OAS3: variants seen among roughly 807,000 people sequenced by gnomAD.
OAS3 encodes the protein 2'-5'-oligoadenylate synthetase 3.
Under a neutral mutation model 113.0 loss-of-function variants are expected in OAS3, and 107 were observed. The ratio of observed to expected loss-of-function variants is 0.95; its 90% CI spans 0.81 to 1.11. The LOEUF (loss-of-function observed/expected upper bound fraction) is 1.11. Among genes scored for constraint, OAS3 ranks in the 50% most tolerant of loss-of-function variants. The probability of loss-of-function intolerance (pLI) is 0.00; values close to 1 mark genes in which losing one functional copy is unlikely to be tolerated. For missense variants in OAS3, 1,258 were observed against 1,389.1 expected (o/e 0.91, Z 1.50); for synonymous variants, 552 against 573.6 (o/e 0.96, Z 0.54).
intron 11 of OAS3, among the ~76,000 whole-genome samples, chr12:112,964,929 C>T (rs1213021576): frequency 6.6e-6 from 1 of 152,190 alleles, no homozygotes. Context: ...GCTAGGGAGA[C>T]ATTATGCTCT....
chr12:112,949,292 T>G, intron 6 of OAS3, 87 bp downstream of exon 6: 1 of 1,234,424 alleles, frequency 8.1e-7, no homozygotes, highest in Non-Finnish European at 1.1e-6. Context: ...GGAGCTGAGG[T>G]TGGGCTGGGG....
In OAS3 at chr12:112,954,659, T is replaced by A. The variant is rs952844195; in HGVS notation, c.1657+3684T>A. Among the ~76,000 whole-genome samples, 4 of 152,330 alleles carry A rather than the reference T, an allele frequency of 2.6e-5. No homozygotes were observed. The highest frequency in any genetic ancestry group is 1.9e-4 in the East Asian group (1 of 5,194). ...GGTTGTAGACATGTGGTGTTATTTC[T>A]GAGGGCTCTGTTCTATTCCATTGGT... On this transcript the variant is annotated intron_variant, in intron 7 of 15. Coordinates refer to ENST00000228928, the MANE Select transcript of OAS3 (RefSeq NM_006187.4). The surrounding 1 kb of genome is among the most constrained non-coding windows in gnomAD (Gnocchi z 4.0).
At chr12:112,938,799 AT>A in intron 1 of OAS3, 92 bp downstream of exon 1, 1 of 1,033,502 alleles carries the variant, frequency 9.7e-7, no homozygotes, top group African/African-American at 1.7e-5. Context: ...GGGTGGCTTT[AT>A]CCGCTTGTGC....
In OAS3 at chr12:112,963,418, G is replaced by T; in HGVS notation, c.2190G>T (p.Leu730=). The T allele has an allele frequency of 6.4e-7, 1 of 1,551,606 alleles. No homozygotes were observed. Among genetic ancestry groups the T allele is most frequent in the Non-Finnish European group, 8.7e-7 (1 of 1,146,950 alleles). Residue 730 remains leucine, a synonymous_variant, in exon 10 of 16, where the codon CTG becomes CTT. Coordinates refer to ENST00000228928, the MANE Select transcript of OAS3 (RefSeq NM_006187.4). This position sits in a 1 kb window ranked among gnomAD's most constrained non-coding sequence, Gnocchi z 4.6. ...AAALGMQACF[L]SRDGTSVQPW... ...CGCTGGGGATGCAGGCCTGCTTTCT[G>T]AGTAGAGACGGGACATCTGTGCAGC...
rs371447172 is a variant in OAS3 at position 112,968,038 on chromosome 12, A to C, written c.2968A>C (p.Asn990His). ...GCAGGGCGGGAAGGACTCCCAGTTC[A>C]ACATGGCTGAGGGCTTCCGCACGGT... is the stretch of plus-strand genomic sequence containing the variant. ...WEQGGKDSQF[N>H]MAEGFRTVLE... is the part of the protein sequence containing the mutation. The change falls in exon 14 of 16, where the codon AAC (asparagine) becomes CAC (histidine). Residue 990 changes from asparagine to histidine, a missense_variant. Asn to His is a moderately conservative substitution (Grantham distance 68). Coordinates refer to ENST00000228928, the MANE Select transcript of OAS3 (RefSeq NM_006187.4). 2 of 1,613,918 alleles carry C rather than the reference A, an allele frequency of 1.2e-6. No homozygotes were observed. The highest frequency in any genetic ancestry group is 1.7e-6 in the Non-Finnish European group (2 of 1,179,762).
chr12:112,953,666 T>G (rs2136352057), intron 7 of OAS3, among the ~76,000 whole-genome samples: 1 of 152,268 alleles, frequency 6.6e-6, no homozygotes, highest in Middle Eastern at 3.4e-3. Context: ...CCTGACTTTT[T>G]AATGATCGCC....
At position 112,944,461 on chromosome 12, in the gene OAS3, G is replaced by T. The variant is rs754646298; in HGVS notation, c.461-15G>T. 3.7e-6 allele frequency: 6 copies of T among 1,613,742 alleles called. No individual in the cohort carries two copies. The highest frequency in any genetic ancestry group is 4.2e-6 in the Non-Finnish European group (5 of 1,179,796). ...CTCAGTGCCCTCCCTAACTCACAGCGCTTCACACCAACAGGTCAGGCCGGC... is the reference window on the plus strand; with the variant it reads ...CTCAGTGCCCTCCCTAACTCACAGCTCTTCACACCAACAGGTCAGGCCGGC... On this transcript the variant is annotated splice_polypyrimidine_tract_variant and intron_variant, in intron 2 of 15. Coordinates refer to ENST00000228928, the MANE Select transcript of OAS3 (RefSeq NM_006187.4).
At chr12:112,964,107 C>T (rs1318288997) in intron 10 of OAS3, 128 bp from the exon 11 acceptor site, 1 of 978,934 alleles carries the variant, frequency 1.0e-6, no homozygotes. Flanking sequence ...ACCTACCCAC[C>T]AGCTGAGAAG....
intron 11 of OAS3, 123 bp downstream of exon 11, chr12:112,964,531 A>G: frequency 1.0e-6 from 1 of 1,001,846 alleles, no homozygotes; most frequent in Non-Finnish European, 1.5e-6. Context: ...GCATAGAGAA[A>G]GAGCTGGAAA....
intron 11 of OAS3, among the ~76,000 whole-genome samples, chr12:112,964,849 TAA>T (rs1218125764): frequency 1.3e-5 from 2 of 152,190 alleles, no homozygotes; most frequent in Admixed American, 6.5e-5. Flanking sequence ...AAAATTCAAA[TAA>T]AAGTCTTGGA....
At chr12:112,958,785 G>T (rs1018371214) in intron 7 of OAS3, among the ~76,000 whole-genome samples, 1 of 152,250 alleles carries the variant, frequency 6.6e-6, no homozygotes, top group Non-Finnish European at 1.5e-5. Context: ...TAGGCTACTC[G>T]GGGGTCAGGG....
At chr12:112,952,838 G>A (rs2043803417) in intron 7 of OAS3, among the ~76,000 whole-genome samples, 1 of 151,966 alleles carries the variant, frequency 6.6e-6, no homozygotes, top group African/African-American at 2.4e-5. Context: ...TTGATTTTTT[G>A]TTGTTAATGA....
At position 112,959,120 on chromosome 12, in the gene OAS3, C is replaced by T. The variant is rs573843104; in HGVS notation, c.1658-1951C>T. On this transcript the variant is annotated intron_variant, in intron 7 of 15. Coordinates refer to ENST00000228928, the MANE Select transcript of OAS3 (RefSeq NM_006187.4). The stretch of plus-strand genomic sequence containing the variant: ...TGCTGTGCTAACAGTGAATGAGGCT[C>T]CGTGGGCGTGTGACCCTCCGTGCCA... 2.6e-5 allele frequency among the ~76,000 whole-genome samples: 4 copies of T among 152,332 alleles called. No homozygotes were observed. The East Asian group carries it at 7.7e-4, about 29-fold the overall frequency.
chr12:112,941,777 C>G lies in OAS3; in HGVS notation c.385C>G (p.Leu129Val), dbSNP rs781388381. 6.2e-7 allele frequency: 1 copy of G among 1,614,032 alleles called. No homozygotes were observed. The highest frequency in any genetic ancestry group is 8.5e-7 in the Non-Finnish European group (1 of 1,179,892). ...TFPEQSVPGA[L>V]QFRLTSVDLE... ...TCCTGAGCAGAGCGTGCCTGGGGCC[C>G]TGCAGTTCCGCCTGACATCCGTAGA... Residue 129 changes from leucine to valine, a missense_variant, in exon 2 of 16, where the codon CTG becomes GTG. Transcript: ENST00000228928.
At chr12:112,946,572 G>A (rs1340145382) in intron 3 of OAS3, among the ~76,000 whole-genome samples, 171 bp from the exon 4 acceptor site, 3 of 152,114 alleles carry the variant, frequency 2.0e-5, no homozygotes, top group South Asian at 4.1e-4. Context: ...CCACTTGGCT[G>A]AAGCTACCAG....
At chr12:112,950,348 A>G (rs2043777446) in intron 6 of OAS3, among the ~76,000 whole-genome samples, 1 of 152,208 alleles carries the variant, frequency 6.6e-6, no homozygotes, top group African/African-American at 2.4e-5. Flanking sequence ...TCAATTTGCA[A>G]CTGCTGGCCC....
intron 3 of OAS3, 98 bp from the exon 4 acceptor site, chr12:112,946,645 A>G: frequency 9.6e-7 from 1 of 1,045,366 alleles, no homozygotes; most frequent in Non-Finnish European, 1.4e-6. Context: ...ATCTTGCCTC[A>G]GGCTCGGCCT....
chr12:112,966,400 G>A (rs1425783046), intron 12 of OAS3, among the ~76,000 whole-genome samples: 1 of 152,164 alleles, frequency 6.6e-6, no homozygotes, highest in East Asian at 1.9e-4. Context: ...TGGTTTGTGT[G>A]CCACCCACCT....
intron 1 of OAS3, among the ~76,000 whole-genome samples, chr12:112,940,235 TG>T (rs1364528405): frequency 6.6e-6 from 1 of 152,204 alleles, no homozygotes; most frequent in Non-Finnish European, 1.5e-5. Context: ...TAATATTCCC[TG>T]TTCCCACTTT....
Sources: allele counts gnomAD v4.1 joint callset (sites outside exome capture counted in the v4.1 genomes callset), GRCh38; gene constraint gnomAD v4.1.1; non-coding constraint Gnocchi (gnomAD v3.1); transcripts MANE v1.5; gene names NCBI Gene and HGNC (gene_info 2026-07-23, HGNC 2026-07-21).